GRIK1: variants seen among roughly 807,000 people sequenced by gnomAD.
GRIK1 encodes the protein glutamate ionotropic receptor kainate type subunit 1, also known as glutamate receptor ionotropic, kainate 1.
A neutral mutation model predicts 105.7 loss-of-function variants in GRIK1; 69 were observed. The ratio of observed to expected loss-of-function variants is 0.65; its 90% CI spans 0.54 to 0.80. The LOEUF (loss-of-function observed/expected upper bound fraction) is 0.80, where lower values mean the gene tolerates loss of function less well. Among genes scored for constraint, GRIK1 ranks in the 30% least tolerant of loss-of-function variants. The pLI is 0.00. For missense variants in GRIK1, 1,109 were observed against 1,167.3 expected, an observed-to-expected ratio of 0.95 and a Z score of 0.73; for synonymous variants, 438 against 431.3, an observed-to-expected ratio of 1.02 and a Z score of -0.19.
At chr21:29,731,752 G>A (rs757835702) in intron 1 of GRIK1, among the ~76,000 whole-genome samples, 135 of 152,142 alleles carry the variant, frequency 8.9e-4, no homozygotes, top group Non-Finnish European at 1.4e-3. Context: ...TCTACCGCTA[G>A]AGGCTTCATC....
At chr21:29,683,844 TG>T (rs1240901240) in intron 3 of GRIK1, among the ~76,000 whole-genome samples, 6 of 152,248 alleles carry the variant, frequency 3.9e-5, no homozygotes, top group Non-Finnish European at 8.8e-5. Context: ...TACTTAATGA[TG>T]GGGTTCAGCA....
intron 1 of GRIK1, among the ~76,000 whole-genome samples, chr21:29,769,633 G>A (rs897504045): frequency 2.0e-5 from 3 of 152,064 alleles, no homozygotes; most frequent in African/African-American, 2.4e-5. Flanking sequence ...TCACTTACCC[G>A]CTGGCCACTC....
chr21:29,685,287 T>C (rs918449180), intron 3 of GRIK1, among the ~76,000 whole-genome samples: 2 of 152,180 alleles, frequency 1.3e-5, no homozygotes, highest in Admixed American at 6.5e-5. Flanking sequence ...TTGACTATTT[T>C]CCCCAATATT....
intron 1 of GRIK1, among the ~76,000 whole-genome samples, chr21:29,891,208 A>C (rs941381060): frequency 6.6e-6 from 1 of 152,186 alleles, no homozygotes; most frequent in African/African-American, 2.4e-5. Flanking sequence ...CTTGTGTGGA[A>C]AAGCCAAAGA....
chr21:29,727,952 T>C (rs955999977), intron 1 of GRIK1, among the ~76,000 whole-genome samples: 1 of 152,258 alleles, frequency 6.6e-6, no homozygotes, highest in Middle Eastern at 3.4e-3. Context: ...AGAAGAGGGA[T>C]GTCTCAACTC....
At chr21:29,661,920 C>T (rs2062971854) in intron 4 of GRIK1, among the ~76,000 whole-genome samples, 1 of 152,174 alleles carries the variant, frequency 6.6e-6, no homozygotes, top group Non-Finnish European at 1.5e-5. Context: ...GATAAGCTAA[C>T]CACAAGTCTA....
At position 29,637,336 on chromosome 21, in the gene GRIK1, A is replaced by G. The variant is rs1157397357; in HGVS notation, c.1098+5490T>C. On this transcript the variant is annotated intron_variant, in intron 7 of 17. Coordinates refer to ENST00000327783, the MANE Select transcript of GRIK1 (RefSeq NM_001330994.2). ...CTGCTCCACTGATTGTCCTATATCC[A>G]GCTGGAACCTAATCTGGACACAGCG... Among the ~76,000 whole-genome samples the G allele has an allele frequency of 2.0e-5, 3 of 152,302 alleles. No homozygotes were observed. In the East Asian group the frequency reaches 5.8e-4, roughly 29 times the overall value.
At chr21:29,890,555 A>G (rs1490938248) in intron 1 of GRIK1, among the ~76,000 whole-genome samples, 5 of 152,132 alleles carry the variant, frequency 3.3e-5, no homozygotes, top group Non-Finnish European at 5.9e-5. Context: ...ACAGTTGTAG[A>G]TCTGTCTTCC....
intron 1 of GRIK1, among the ~76,000 whole-genome samples, chr21:29,751,483 C>T (rs1292031336): frequency 6.6e-6 from 1 of 152,124 alleles, no homozygotes; most frequent in Non-Finnish European, 1.5e-5. Flanking sequence ...CAAGGTTGCT[C>T]TTGCTGCTAA....
chr21:29,555,681 T>C (rs1451111040), intron 15 of GRIK1, among the ~76,000 whole-genome samples: 1 of 152,144 alleles, frequency 6.6e-6, no homozygotes, highest in Non-Finnish European at 1.5e-5. Flanking sequence ...CGACCCTCTT[T>C]TGTAACCAAA....
chr21:29,911,831 C>G (rs1021178418), intron 1 of GRIK1, among the ~76,000 whole-genome samples: 1 of 152,036 alleles, frequency 6.6e-6, no homozygotes, highest in African/African-American at 2.4e-5. Context: ...CTTGGACTTC[C>G]CAGCCTCTAG....
chr21:29,793,474 A>AC (rs1380551411), intron 1 of GRIK1, among the ~76,000 whole-genome samples: 2 of 139,504 alleles, frequency 1.4e-5, no homozygotes, highest in African/African-American at 5.4e-5. Flanking sequence ...TCTCTCTCCC[A>AC]CCCCCTACCC....
chr21:29,621,456 T>C (rs1479083465), intron 7 of GRIK1, among the ~76,000 whole-genome samples: 1 of 152,142 alleles, frequency 6.6e-6, no homozygotes, highest in Non-Finnish European at 1.5e-5. Flanking sequence ...TCATTCTCAA[T>C]TCAAAATGCA....
At chr21:29,671,706 A>G (rs543898346) in intron 4 of GRIK1, among the ~76,000 whole-genome samples, 6 of 152,218 alleles carry the variant, frequency 3.9e-5, no homozygotes, top group Admixed American at 2.0e-4. Context: ...TAAACAAAGG[A>G]GTGCAATACA....
At chr21:29,790,141 C>A (rs2066372551) in intron 1 of GRIK1, among the ~76,000 whole-genome samples, 1 of 152,128 alleles carries the variant, frequency 6.6e-6, no homozygotes. Context: ...ACTCCACCTC[C>A]CAGGTTCAAG....
At chr21:29,848,145 C>T (rs2068185179) in intron 1 of GRIK1, among the ~76,000 whole-genome samples, 1 of 152,152 alleles carries the variant, frequency 6.6e-6, no homozygotes, top group Non-Finnish European at 1.5e-5. Flanking sequence ...ACGACTTTAT[C>T]TGTACGCTGC....
At chr21:29,564,518 TCAAAAA>T (rs1272648533) in intron 14 of GRIK1, among the ~76,000 whole-genome samples, 1 of 152,188 alleles carries the variant, frequency 6.6e-6, no homozygotes, top group Non-Finnish European at 1.5e-5. Context: ...TTTATGGAAG[TCAAAAA>T]CAAAGTCAAT....
chr21:29,826,928 G>A (rs1474885438), intron 1 of GRIK1, among the ~76,000 whole-genome samples: 1 of 151,964 alleles, frequency 6.6e-6, no homozygotes, highest in Non-Finnish European at 1.5e-5. Context: ...CTTCTACATG[G>A]TACCAACATG....
chr21:29,559,069 G>A (rs2090328704), intron 15 of GRIK1, among the ~76,000 whole-genome samples: 1 of 152,158 alleles, frequency 6.6e-6, no homozygotes, highest in African/African-American at 2.4e-5. Context: ...GTAGGGTTAT[G>A]AGGTGGGAGA....
Sources: allele counts gnomAD v4.1 joint callset (sites outside exome capture counted in the v4.1 genomes callset), GRCh38; gene constraint gnomAD v4.1.1; transcripts MANE v1.5; gene names NCBI Gene and HGNC (gene_info 2026-07-23, HGNC 2026-07-21).